Variants in ZNF827 observed in about 807,000 individuals in gnomAD.
ZNF827 encodes the protein zinc finger protein 827.
In ZNF827, 13 loss-of-function variants were observed where a neutral mutation model predicts 102.4. That is an observed-to-expected ratio of 0.13 (90% CI 0.08 to 0.20). ZNF827 has a LOEUF of 0.20. Ranked by LOEUF, ZNF827 falls within the 10% of genes least tolerant of loss-of-function variation. The probability of loss-of-function intolerance (pLI) is 1.00; values close to 1 mark genes in which losing one functional copy is unlikely to be tolerated. For missense variants in ZNF827, 1,103 were observed against 1,344.4 expected (o/e 0.82, Z 2.81); for synonymous variants, 523 against 536.2 (o/e 0.98, Z 0.34).
chr4:145,868,462 T>C (rs1471342674), intron 5 of ZNF827, among the ~76,000 whole-genome samples: 1 of 152,202 alleles, frequency 6.6e-6, no homozygotes, highest in African/African-American at 2.4e-5. Context: ...ACGTCATCCA[T>C]TCAACTATTG....
chr4:145,870,317 C>A lies in ZNF827; in HGVS notation c.1909G>T (p.Glu637Ter). Reference sequence around the variant, plus strand: ...CGCCTTAGCACACTTCCCTTCCCTTCCTGGGGCTTTAGTGCGTCCTCAGAG... The same window carrying A: ...CGCCTTAGCACACTTCCCTTCCCTTACTGGGGCTTTAGTGCGTCCTCAGAG... ...GVSEDALKPQ[E>*]GKGSVLRRDV... The change falls in exon 5 of 15, where the codon GAA (glutamate) becomes TAA (stop). Residue 637 changes from glutamate (E) to a stop codon, truncating the protein, a stop_gained. Coordinates refer to ENST00000508784, the MANE Select transcript of ZNF827 (RefSeq NM_001306215.2). LOFTEE classifies it high-confidence loss of function. 1 of 1,614,142 alleles carries A rather than the reference C, an allele frequency of 6.2e-7. No homozygotes were observed. Among genetic ancestry groups the A allele is most frequent in the Non-Finnish European group, 8.5e-7 (1 of 1,180,008 alleles).
intron 6 of ZNF827, among the ~76,000 whole-genome samples, chr4:145,846,634 T>C (rs1417648141): frequency 1.5e-5 from 2 of 136,474 alleles, no homozygotes; most frequent in African/African-American, 2.8e-5. Flanking sequence ...CTGGCCAACA[T>C]GGTGAAAACC....
chr4:145,776,322 G>A (rs904741491), intron 9 of ZNF827, among the ~76,000 whole-genome samples: 3 of 152,090 alleles, frequency 2.0e-5, no homozygotes, highest in African/African-American at 7.2e-5. Flanking sequence ...TTAGTCAGGT[G>A]TGGTGGCACG....
intron 5 of ZNF827, among the ~76,000 whole-genome samples, chr4:145,868,714 T>C (rs1748421624): frequency 6.6e-6 from 1 of 152,226 alleles, no homozygotes; most frequent in African/African-American, 2.4e-5. Flanking sequence ...CATATTATCT[T>C]TTGGTGCTAC....
chr4:145,883,055 T>G (rs1372316400), intron 4 of ZNF827, among the ~76,000 whole-genome samples: 1 of 127,122 alleles, frequency 7.9e-6, no homozygotes, highest in Non-Finnish European at 1.6e-5. Context: ...AGAGGGTAAG[T>G]AAAATTAAAA....
intron 1 of ZNF827, among the ~76,000 whole-genome samples, chr4:145,904,655 GGAGGTC>G (rs1230211342): frequency 6.6e-6 from 1 of 152,208 alleles, no homozygotes; most frequent in East Asian, 1.9e-4. Context: ...CAGTGCCATA[GGAGGTC>G]AGAGAATATC....
chr4:145,852,150 G>T (rs956893705), intron 5 of ZNF827, among the ~76,000 whole-genome samples: 1 of 152,162 alleles, frequency 6.6e-6, no homozygotes, highest in African/African-American at 2.4e-5. Flanking sequence ...AATACAAAGG[G>T]ATTCACTTCA....
At chr4:145,919,965 C>T (rs1752943159) in intron 1 of ZNF827, among the ~76,000 whole-genome samples, 1 of 152,202 alleles carries the variant, frequency 6.6e-6, no homozygotes, top group Non-Finnish European at 1.5e-5. Flanking sequence ...CGAATCTTAT[C>T]CTGCTATACA....
intron 9 of ZNF827, among the ~76,000 whole-genome samples, chr4:145,776,342 T>C (rs1737081482): frequency 6.6e-6 from 1 of 151,902 alleles, no homozygotes; most frequent in African/African-American, 2.4e-5. Context: ...GTGCCTGTAG[T>C]CCCAGCTACT....
At chr4:145,881,441 G>T (rs1182744402) in intron 4 of ZNF827, among the ~76,000 whole-genome samples, 1 of 152,164 alleles carries the variant, frequency 6.6e-6, no homozygotes, top group African/African-American at 2.4e-5. Context: ...TGGAAAACCA[G>T]GGACAAAAAG....
At chr4:145,906,176 C>T (rs1179943305) in intron 1 of ZNF827, among the ~76,000 whole-genome samples, 2 of 152,246 alleles carry the variant, frequency 1.3e-5, no homozygotes, top group African/African-American at 4.8e-5. Flanking sequence ...TGGCCCAATG[C>T]TTCTCTGCAA....
intron 5 of ZNF827, among the ~76,000 whole-genome samples, chr4:145,861,685 C>T (rs35879803): frequency 2.0e-5 from 3 of 151,828 alleles, no homozygotes; most frequent in African/African-American, 7.3e-5. Flanking sequence ...CCCTTCAGCA[C>T]GCCCCCACCC....
At chr4:145,841,004 T>A (rs910369739) in intron 7 of ZNF827, among the ~76,000 whole-genome samples, 1 of 152,244 alleles carries the variant, frequency 6.6e-6, no homozygotes, top group African/African-American at 2.4e-5. Flanking sequence ...CCACTTCTGC[T>A]TTTTGTCTAG....
chr4:145,814,536 C>G (rs1742371932), intron 8 of ZNF827, among the ~76,000 whole-genome samples: 1 of 152,088 alleles, frequency 6.6e-6, no homozygotes, highest in African/African-American at 2.4e-5. Flanking sequence ...CATTGGTAAC[C>G]TGTTTGGCTG....
At chr4:145,831,064 T>A (rs1744160708) in intron 7 of ZNF827, 2 of 152,226 alleles carry the variant, frequency 1.3e-5, no homozygotes, top group Non-Finnish European at 2.9e-5. Flanking sequence ...GCATGAACAT[T>A]GCCCTTCCCT....
chr4:145,783,738 G>A (rs1001767497), intron 8 of ZNF827, among the ~76,000 whole-genome samples: 4 of 152,140 alleles, frequency 2.6e-5, no homozygotes, highest in Non-Finnish European at 5.9e-5. Context: ...GAAATGGCTG[G>A]GACTCTGGCA....
At chr4:145,783,767 G>C (rs1403161075) in intron 8 of ZNF827, among the ~76,000 whole-genome samples, 1 of 152,168 alleles carries the variant, frequency 6.6e-6, no homozygotes, top group East Asian at 1.9e-4. Context: ...GTGAATATAA[G>C]GCATGAAGAC....
rs547097913 is a variant in ZNF827, at chr4:145,835,275, G to C, written c.2279+10681C>G. On this transcript the variant is annotated intron_variant, in intron 7 of 14. Transcript: ENST00000508784. ...AGACCATCACGGATGCTGAGCTTCGGGTAACTCTCACAGTGGAAGGTAAGC... is the reference window on the plus strand; with the variant it reads ...AGACCATCACGGATGCTGAGCTTCGCGTAACTCTCACAGTGGAAGGTAAGC... 46 of 152,204 alleles carry C rather than the reference G, an allele frequency of 3.0e-4. No homozygotes were observed. The East Asian group carries it at 6.0e-3, about 20-fold the overall frequency. 9.4% of individuals were successfully genotyped at this position (152,204 alleles called of 1,614,324 possible).
intron 8 of ZNF827, among the ~76,000 whole-genome samples, chr4:145,797,063 G>A (rs1410175356): frequency 6.6e-6 from 1 of 152,146 alleles, no homozygotes; most frequent in African/African-American, 2.4e-5. Flanking sequence ...CGGTCGGGGG[G>A]CTTCCTGGGG....
Sources: allele counts gnomAD v4.1 joint callset (sites outside exome capture counted in the v4.1 genomes callset), GRCh38; gene constraint gnomAD v4.1.1; transcripts MANE v1.5; gene names NCBI Gene and HGNC (gene_info 2026-07-23, HGNC 2026-07-21).